Variants in P2RY14 observed in about 807,000 individuals in gnomAD.
P2RY14 encodes P2Y purinoceptor 14.
In P2RY14, 2 loss-of-function variants were observed where a neutral mutation model predicts 0.9. The observed-to-expected ratio is 2.16, with a 90% CI of 0.88 to 6.79. P2RY14 has a LOEUF of 6.79. Ranked by LOEUF, P2RY14 falls within the 30% of genes most tolerant of loss-of-function variation. P2RY14 has a pLI of 0.05. For synonymous variants in P2RY14, 158 were observed against 147.2 expected (o/e 1.07, Z -0.53); for missense variants, 378 against 400.1 (o/e 0.94, Z 0.47).
chr3:151,247,272 C>G (rs1735759372), intron 1 of P2RY14, among the ~76,000 whole-genome samples: 1 of 151,972 alleles, frequency 6.6e-6, no homozygotes, highest in Admixed American at 6.5e-5. Flanking sequence ...GGTATATACC[C>G]AAAGGATTAT....
intron 1 of P2RY14, among the ~76,000 whole-genome samples, chr3:151,234,168 T>C (rs892202464): frequency 5.3e-5 from 8 of 152,206 alleles, no homozygotes; most frequent in Non-Finnish European, 8.8e-5. Context: ...AGCAAAAATA[T>C]GGAAATAACC....
chr3:151,232,971 T>G (rs192038998), intron 1 of P2RY14, among the ~76,000 whole-genome samples: 33 of 152,322 alleles, frequency 2.2e-4, no homozygotes, highest in Admixed American at 2.2e-3. Flanking sequence ...CAAAATTTTC[T>G]TTTCACCTTT....
At chr3:151,253,104 A>G (rs1329801631) in intron 1 of P2RY14, among the ~76,000 whole-genome samples, 2 of 152,204 alleles carry the variant, frequency 1.3e-5, no homozygotes, top group Non-Finnish European at 2.9e-5. Flanking sequence ...AGGAAAATGT[A>G]TTAACAGAAT....
intron 1 of P2RY14, among the ~76,000 whole-genome samples, chr3:151,240,848 G>T (rs1435271911): frequency 1.3e-5 from 2 of 152,238 alleles, no homozygotes; most frequent in Admixed American, 1.3e-4. Context: ...TGAAAGGGTA[G>T]TGGATTTGAA....
At chr3:151,242,255 A>G (rs1396795901) in intron 1 of P2RY14, among the ~76,000 whole-genome samples, 1 of 152,236 alleles carries the variant, frequency 6.6e-6, no homozygotes, top group Non-Finnish European at 1.5e-5. Flanking sequence ...GGAAGCTCAA[A>G]CTGGGCGGAG....
At chr3:151,260,657 C>G (rs918919844) in intron 1 of P2RY14, among the ~76,000 whole-genome samples, 1 of 152,152 alleles carries the variant, frequency 6.6e-6, no homozygotes, top group Non-Finnish European at 1.5e-5. Context: ...GGCCCTAAAG[C>G]TGGTTTTTAA....
intron 1 of P2RY14, among the ~76,000 whole-genome samples, 165 bp downstream of exon 1, chr3:151,278,122 A>G (rs2149597469): frequency 6.6e-6 from 1 of 152,302 alleles, no homozygotes; most frequent in African/African-American, 2.4e-5. Context: ...ATATATTAAT[A>G]TACCAATTAT....
chr3:151,239,054 G>A (rs768579669), intron 1 of P2RY14, among the ~76,000 whole-genome samples: 166 of 152,342 alleles, frequency 1.1e-3, no homozygotes, highest in Non-Finnish European at 2.0e-3. Flanking sequence ...TCTGTCTGCT[G>A]TTGTGAGTTT....
At chr3:151,269,900 G>T in intron 1 of P2RY14, 1 of 459,322 alleles carries the variant, frequency 2.2e-6, no homozygotes, top group South Asian at 1.6e-5. Flanking sequence ...CTGGTTTACT[G>T]ACCGTTCTGA....
intron 1 of P2RY14, among the ~76,000 whole-genome samples, chr3:151,277,260 T>C (rs1195356276): frequency 6.6e-6 from 1 of 152,008 alleles, no homozygotes; most frequent in East Asian, 1.9e-4. Flanking sequence ...TATATACCAA[T>C]GTGTTAATTG....
chr3:151,241,598 A>G (rs539376564), intron 1 of P2RY14, among the ~76,000 whole-genome samples: 3 of 152,278 alleles, frequency 2.0e-5, no homozygotes, highest in African/African-American at 7.2e-5. Flanking sequence ...ACACACTTTC[A>G]CAGTGGGTTA....
chr3:151,258,154 C>T (rs1264540897), intron 1 of P2RY14, among the ~76,000 whole-genome samples: 1 of 152,052 alleles, frequency 6.6e-6, no homozygotes, highest in African/African-American at 2.4e-5. Context: ...TTCCACAGGC[C>T]CAAAGTGGGA....
chr3:151,217,486 C>T (rs983283886), intron 2 of P2RY14, among the ~76,000 whole-genome samples: 4 of 152,234 alleles, frequency 2.6e-5, no homozygotes, highest in Non-Finnish European at 4.4e-5. Flanking sequence ...AGGTAAACTT[C>T]TAGAGCAGCT....
intron 1 of P2RY14, among the ~76,000 whole-genome samples, chr3:151,263,355 T>G (rs562248773): frequency 6.6e-6 from 1 of 152,320 alleles, no homozygotes; most frequent in African/African-American, 2.4e-5. Context: ...TAACATTGCA[T>G]TATTACAAAC....
At chr3:151,267,281 CAAT>C (rs1340449715) in intron 1 of P2RY14, among the ~76,000 whole-genome samples, 6 of 152,040 alleles carry the variant, frequency 3.9e-5, no homozygotes, top group Non-Finnish European at 8.8e-5. Flanking sequence ...AAAGGCATAA[CAAT>C]AATGAAGTGC....
At chr3:151,218,697 C>A (rs1728714778) in intron 2 of P2RY14, among the ~76,000 whole-genome samples, 1 of 151,086 alleles carries the variant, frequency 6.6e-6, no homozygotes, top group South Asian at 2.1e-4. Flanking sequence ...TGAAACCCTG[C>A]CTCTACTAAA....
intron 1 of P2RY14, among the ~76,000 whole-genome samples, chr3:151,237,350 CTTTTTTTTT>C (rs57239604): frequency 1.1e-5 from 1 of 94,602 alleles, no homozygotes; most frequent in African/African-American, 4.1e-5. Flanking sequence ...TTTTTTTTTT[CTTTTTTTTT>C]TTTTTTTGAG....
At chr3:151,257,579 C>T (rs1206004715) in intron 1 of P2RY14, among the ~76,000 whole-genome samples, 3 of 152,166 alleles carry the variant, frequency 2.0e-5, no homozygotes, top group Admixed American at 6.5e-5. Context: ...GTTCTGTATG[C>T]CTGGCACATA....
chr3:151,220,666 G>C (rs1277159282), intron 1 of P2RY14, among the ~76,000 whole-genome samples: 1 of 152,190 alleles, frequency 6.6e-6, no homozygotes, highest in Admixed American at 6.5e-5. Flanking sequence ...CTCTTCTCTT[G>C]TCTGCTGCCA....
Sources: allele counts gnomAD v4.1 joint callset (sites outside exome capture counted in the v4.1 genomes callset), GRCh38; gene constraint gnomAD v4.1.1; transcripts MANE v1.5; gene names NCBI Gene and HGNC (gene_info 2026-07-23, HGNC 2026-07-21).